Variants in TMPRSS11B observed in about 807,000 individuals in gnomAD.
The protein encoded by TMPRSS11B is transmembrane serine protease 11B.
Under a neutral mutation model 44.7 loss-of-function variants are expected in TMPRSS11B, and 53 were observed. The observed-to-expected ratio is 1.19, with a 90% CI of 0.95 to 1.49. The LOEUF (loss-of-function observed/expected upper bound fraction) is 1.49, where lower values mean the gene tolerates loss of function less well. Ranked by LOEUF, TMPRSS11B falls within the 40% of genes most tolerant of loss-of-function variation. The probability of loss-of-function intolerance (pLI) is 0.00; values close to 1 mark genes in which losing one functional copy is unlikely to be tolerated. For missense variants in TMPRSS11B, 526 were observed against 494.8 expected (o/e 1.06, Z -0.60); for synonymous variants, 140 against 159.2 (o/e 0.88, Z 0.91).
At chr4:68,228,602 A>G (rs932471779) in intron 9 of TMPRSS11B, 140 bp downstream of exon 9, 6 of 841,928 alleles carry the variant, frequency 7.1e-6, no homozygotes, top group Non-Finnish European at 8.9e-6. Flanking sequence ...CTGGTACATA[A>G]ATGGAATTAA....
intron 2 of TMPRSS11B, among the ~76,000 whole-genome samples, chr4:68,237,638 TCC>T (rs1446964087): frequency 3.3e-5 from 5 of 152,114 alleles, no homozygotes; most frequent in Admixed American, 3.3e-4. Context: ...AGGTCTCATA[TCC>T]CCATCTTTTC....
At chr4:68,239,211 T>C (rs1242371174) in intron 2 of TMPRSS11B, among the ~76,000 whole-genome samples, 1 of 152,190 alleles carries the variant, frequency 6.6e-6, no homozygotes, top group Non-Finnish European at 1.5e-5. Flanking sequence ...CCAATAGGAC[T>C]AGTCTCCTTA....
chr4:68,228,493 C>A (rs1438098512), intron 9 of TMPRSS11B, among the ~76,000 whole-genome samples: 1 of 152,204 alleles, frequency 6.6e-6, no homozygotes, highest in East Asian at 1.9e-4. Context: ...ATCTTGTAAA[C>A]TTCTTCTAAG....
At position 68,236,013 on chromosome 4, in the gene TMPRSS11B, G is replaced by A. The variant is rs1719653188; in HGVS notation, c.297C>T (p.Val99=). 2 of 1,564,466 alleles carry A rather than the reference G, an allele frequency of 1.3e-6. No homozygotes were observed. Among genetic ancestry groups the A allele is most frequent in the Admixed American group, 1.9e-5 (1 of 53,558 alleles). ...GAACTTGTACTTACAGAAGTTTGAT[G>A]ACCTCAGATTTGACATATTCCTTAT... ...SIYKEYVKSE[V]IKLLPNANGS... Residue 99 remains valine, a synonymous_variant, in exon 4 of 10, where the codon GTC becomes GTT. Coordinates refer to ENST00000332644, the MANE Select transcript of TMPRSS11B (RefSeq NM_182502.3).
intron 2 of TMPRSS11B, 44 bp from the exon 3 acceptor site, chr4:68,236,310 A>G (rs2109960385): frequency 7.6e-7 from 1 of 1,307,478 alleles, no homozygotes; most frequent in Non-Finnish European, 1.1e-6. Context: ...TTTAAAGTGG[A>G]AAGTGACTTT....
At chr4:68,228,450 T>G (rs1410805084) in intron 9 of TMPRSS11B, among the ~76,000 whole-genome samples, 1 of 152,148 alleles carries the variant, frequency 6.6e-6, no homozygotes, top group Non-Finnish European at 1.5e-5. Flanking sequence ...ACATTCTAGG[T>G]CTGCAGGTTG....
Position 68,231,166 on chromosome 4 carries a change from C to T in TMPRSS11B, c.686+37G>A, listed in dbSNP as rs1462810257. 4.5e-6 allele frequency: 7 copies of T among 1,570,214 alleles called. No individual in the cohort carries two copies. The African/African-American group carries it at 5.4e-5, about 12-fold the overall frequency. Reference sequence around the variant, plus strand: ...ACAAACTATCCAAAATAGTTTTGCACCTAGCATCCTTCATTTAGTCAAATT... The same window carrying T: ...ACAAACTATCCAAAATAGTTTTGCATCTAGCATCCTTCATTTAGTCAAATT... On this transcript the variant is annotated intron_variant, in intron 7 of 9. Transcript: ENST00000332644.
intron 5 of TMPRSS11B, among the ~76,000 whole-genome samples, chr4:68,233,329 C>T (rs1719572017): frequency 6.6e-6 from 1 of 152,126 alleles, no homozygotes; most frequent in Non-Finnish European, 1.5e-5. Flanking sequence ...GCCTTTCAAG[C>T]CCTCGAAGAC....
chr4:68,227,405 CT>C lies in TMPRSS11B; in HGVS notation c.*505del, dbSNP rs34414922. The C allele has an allele frequency of 3.2e-3, 374 of 117,088 alleles. No homozygotes were observed. The highest frequency in any genetic ancestry group is 0.01 in the African/African-American group (318 of 30,418). The allele number at this position is 117,088 out of a possible 1,614,324, so 7.3% of individuals were successfully genotyped here. On this transcript the variant is annotated 3_prime_UTR_variant, in exon 10 of 10. Coordinates refer to ENST00000332644, the MANE Select transcript of TMPRSS11B (RefSeq NM_182502.3). ...TTAGCCTTCTTTATTTTCTTCTCTC[CT>C]TTTTTTTTTTTTTTTTTTGAGACAG...
At chr4:68,232,203 T>C (rs1719535087) in intron 6 of TMPRSS11B, 175 bp downstream of exon 6, 2 of 423,834 alleles carry the variant, frequency 4.7e-6, no homozygotes, top group Non-Finnish European at 8.5e-6. Context: ...ATGTTAAAAT[T>C]AATAGACCAG....
chr4:68,245,367 CT>C (rs747951730), intron 1 of TMPRSS11B, among the ~76,000 whole-genome samples, 183 bp downstream of exon 1: 1 of 152,084 alleles, frequency 6.6e-6, no homozygotes, highest in Non-Finnish European at 1.5e-5. Context: ...TTCTTTTTAA[CT>C]TTTGGAAACT....
At chr4:68,230,213 G>A (rs1198384601) in intron 7 of TMPRSS11B, among the ~76,000 whole-genome samples, 1 of 152,006 alleles carries the variant, frequency 6.6e-6, no homozygotes, top group Admixed American at 6.6e-5. Flanking sequence ...TGTGAGCTGT[G>A]GTGTACATAC....
chr4:68,242,216 AATATT>A (rs10540085), intron 1 of TMPRSS11B, among the ~76,000 whole-genome samples: 54,336 of 72,778 alleles, frequency 0.75, 20,967 homozygotes, highest in East Asian at 0.98. Context: ...TAATATATAT[AATATT>A]ATATTATATT....
chr4:68,227,767 T>A lies in TMPRSS11B; in HGVS notation c.*144A>T, dbSNP rs1214156837. ...AAATGCATGGACAGTGTTTTAGATA[T>A]AATAAAATATTAATAAAGACATTTA... On this transcript the variant is annotated 3_prime_UTR_variant, in exon 10 of 10. Transcript: ENST00000332644. 3 of 428,276 alleles carry A rather than the reference T, an allele frequency of 7.0e-6. No individual in the cohort carries two copies. The highest frequency in any genetic ancestry group is 1.0e-5 in the Non-Finnish European group (3 of 288,168). The allele number at this position is 428,276 out of a possible 1,614,324, so 26.5% of individuals were successfully genotyped here. A position where few individuals can be genotyped will look rare whatever the true frequency, so the allele number is the denominator to read the frequency against.
rs1274922150 is a variant in TMPRSS11B at position 68,227,357 on chromosome 4, C to T, written c.*554G>A. 1 of 150,702 alleles carries T rather than the reference C, an allele frequency of 6.6e-6. No homozygotes were observed. Among genetic ancestry groups the T allele is most frequent in the Non-Finnish European group, 1.5e-5 (1 of 67,860 alleles). 9.3% of individuals were successfully genotyped at this position (150,702 alleles called of 1,614,324 possible). A position where few individuals can be genotyped will look rare whatever the true frequency, so the allele number is the denominator to read the frequency against. On this transcript the variant is annotated 3_prime_UTR_variant, in exon 10 of 10. Coordinates refer to ENST00000332644, the MANE Select transcript of TMPRSS11B (RefSeq NM_182502.3). ...TATAATGGTAAAATGAATCACAACT[C>T]AGCTATTAAGAAAAATTATATATTA...
chr4:68,234,498 G>A lies in TMPRSS11B; in HGVS notation c.434C>T (p.Ser145Phe), dbSNP rs750759962. ...LHQMLKNNMASWNAVPASIKL... is the reference protein window; with the variant it reads ...LHQMLKNNMAFWNAVPASIKL... ...AATGGAAGCAGGAACTGCATTCCAG[G>A]ATGCCATGTTGTTTTTCAACATCTG... The change falls in exon 5 of 10, where the codon TCC (serine) becomes TTC (phenylalanine). Residue 145 changes from serine to phenylalanine, a missense_variant. Coordinates refer to ENST00000332644, the MANE Select transcript of TMPRSS11B (RefSeq NM_182502.3). 6.2e-7 allele frequency: 1 copy of A among 1,613,918 alleles called. No individual in the cohort carries two copies. The highest frequency in any genetic ancestry group is 8.5e-7 in the Non-Finnish European group (1 of 1,179,946).
intron 5 of TMPRSS11B, among the ~76,000 whole-genome samples, chr4:68,233,503 T>C (rs1022911978): frequency 7.2e-5 from 11 of 152,176 alleles, no homozygotes; most frequent in African/African-American, 9.6e-5. Context: ...CAAAATCTTA[T>C]CATTTTTCTG....
Position 68,228,857 on chromosome 4 carries a change from T to G in TMPRSS11B, c.974A>C (p.Asp325Ala), listed in dbSNP as rs2319796. ...NGSFPVILQEDFLKIIDNKIC... is the reference protein window; with the variant it reads ...NGSFPVILQEAFLKIIDNKIC... ...TTTGTTGTCAATAATCTTCAAAAAG[T>G]CTTCTTGAAGTATCACTGGAAATGA... The change falls in exon 9 of 10, where the codon GAC becomes GCC. Residue 325 changes from aspartate (D) to alanine (A), a missense_variant. Physicochemically the swap from Asp to Ala is moderately radical, Grantham distance 126 (BLOSUM62 -2). Coordinates refer to ENST00000332644, the MANE Select transcript of TMPRSS11B (RefSeq NM_182502.3). The G allele has an allele frequency of 1, 1,612,549 of 1,613,566 alleles. 805,774 individuals carry two copies. The highest frequency in any genetic ancestry group is 1 in the East Asian group (44,840 of 44,840).
chr4:68,239,525 G>A (rs1240302813), intron 2 of TMPRSS11B, among the ~76,000 whole-genome samples: 1 of 152,166 alleles, frequency 6.6e-6, no homozygotes, highest in Non-Finnish European at 1.5e-5. Context: ...ATGGCAGATT[G>A]AGCAATTATA....
Sources: allele counts gnomAD v4.1 joint callset (sites outside exome capture counted in the v4.1 genomes callset), GRCh38; gene constraint gnomAD v4.1.1; transcripts MANE v1.5; gene names NCBI Gene and HGNC (gene_info 2026-07-23, HGNC 2026-07-21).